Variants in TAF4 observed in about 807,000 individuals in gnomAD.
The protein encoded by TAF4 is TATA-box binding protein associated factor 4, also known as transcription initiation factor TFIID subunit 4.
In TAF4, 9 loss-of-function variants were observed where a neutral mutation model predicts 90.3. The ratio of observed to expected loss-of-function variants is 0.10; its 90% CI spans 0.06 to 0.17. The LOEUF (loss-of-function observed/expected upper bound fraction) is 0.17, where lower values mean the gene tolerates loss of function less well. Ranked by LOEUF, TAF4 falls within the 10% of genes least tolerant of loss-of-function variation. The pLI is 1.00. For missense variants in TAF4, 1,351 were observed against 1,370.7 expected (o/e 0.99, Z 0.23); for synonymous variants, 818 against 638.9 (o/e 1.28, Z -4.23).
chr20:62,000,305 T>C (rs764992562), intron 10 of TAF4, 51 bp from the exon 11 acceptor site: 6 of 1,592,192 alleles, frequency 3.8e-6, no homozygotes, highest in Non-Finnish European at 4.3e-6. Context: ...AGCACAGTTC[T>C]TTCTTTACGG....
intron 14 of TAF4, among the ~76,000 whole-genome samples, chr20:61,978,718 C>T (rs1428674915): frequency 1.3e-5 from 2 of 151,998 alleles, no homozygotes; most frequent in Non-Finnish European, 2.9e-5. Context: ...AGGGAGGGGG[C>T]GAGACCAACC....
At chr20:62,020,581 C>T (rs1185974408) in intron 1 of TAF4, among the ~76,000 whole-genome samples, 1 of 152,190 alleles carries the variant, frequency 6.6e-6, no homozygotes, top group South Asian at 2.1e-4. Flanking sequence ...CCCATCTCAC[C>T]GTCATGTCGC....
chr20:62,039,782 T>G (rs1415338220), intron 1 of TAF4, among the ~76,000 whole-genome samples: 1 of 152,200 alleles, frequency 6.6e-6, no homozygotes, highest in African/African-American at 2.4e-5. Flanking sequence ...CATTTTAAAC[T>G]CTTACTAAAT....
At chr20:62,050,234 C>A (rs148427250) in intron 1 of TAF4, among the ~76,000 whole-genome samples, 4 of 152,168 alleles carry the variant, frequency 2.6e-5, no homozygotes, top group Non-Finnish European at 5.9e-5. Context: ...GCTCCTCCCC[C>A]ACATGACCTA....
intron 1 of TAF4, among the ~76,000 whole-genome samples, chr20:62,033,329 G>A (rs1236884609): frequency 1.3e-5 from 2 of 152,322 alleles, no homozygotes; most frequent in Non-Finnish European, 1.5e-5. Flanking sequence ...GCTAACAAGG[G>A]CCCTGGTGGG....
intron 1 of TAF4, among the ~76,000 whole-genome samples, chr20:62,021,675 G>A (rs938099731): frequency 6.6e-6 from 1 of 152,222 alleles, no homozygotes; most frequent in Admixed American, 6.5e-5. Context: ...GTGGATACAC[G>A]TTCCAAAGTG....
At position 62,064,445 on chromosome 20, in the gene TAF4, A is replaced by G; in HGVS notation, c.1360+6T>C. 7.2e-7 allele frequency: 1 copy of G among 1,387,566 alleles called. No individual in the cohort carries two copies. Among genetic ancestry groups the G allele is most frequent in the Non-Finnish European group, 9.4e-7 (1 of 1,062,490 alleles). 86.0% of individuals were successfully genotyped at this position (1,387,566 alleles called of 1,614,324 possible). A position where few individuals can be genotyped will look rare whatever the true frequency, so the allele number is the denominator to read the frequency against. On this transcript the variant is annotated splice_donor_region_variant and intron_variant, in intron 1 of 14. Transcript: ENST00000252996. ...CCCTTCCCTCCCGCCCCGTGCGGCC[A>G]CTCACCTGGGGGCAGCTGGAAGTTC...
At chr20:62,007,460 A>G (rs1170136190) in intron 6 of TAF4, 87 bp downstream of exon 6, 7 of 1,303,136 alleles carry the variant, frequency 5.4e-6, no homozygotes, top group African/African-American at 1.5e-5. Flanking sequence ...CCGTGCCTGG[A>G]GCATCCTCGC....
chr20:61,991,362 G>C (rs1024152475), intron 14 of TAF4, among the ~76,000 whole-genome samples: 3 of 151,806 alleles, frequency 2.0e-5, no homozygotes, highest in African/African-American at 7.3e-5. Context: ...GCCATGAGCT[G>C]AGATCACACC....
chr20:62,000,485 C>A (rs747749543), intron 10 of TAF4, 67 bp downstream of exon 10: 2 of 1,548,798 alleles, frequency 1.3e-6, no homozygotes, highest in South Asian at 2.4e-5. Context: ...GGTGTGCTCA[C>A]CTGAAGCTCC....
intron 1 of TAF4, among the ~76,000 whole-genome samples, chr20:62,029,364 G>T (rs1026836991): frequency 4.6e-5 from 7 of 152,152 alleles, no homozygotes; most frequent in African/African-American, 1.2e-4. Context: ...CTTGGGGGCG[G>T]TGGGCAAGTG....
intron 1 of TAF4, among the ~76,000 whole-genome samples, chr20:62,016,035 CG>C (rs978213163): frequency 5.0e-4 from 76 of 152,318 alleles, no homozygotes; most frequent in African/African-American, 1.7e-3. Flanking sequence ...GCCTGGAGCT[CG>C]GGAACGAAGT....
In TAF4 at chr20:62,064,521, G is replaced by A. The variant is rs1328837827; in HGVS notation, c.1290C>T (p.Thr430=). 5.9e-6 allele frequency: 9 copies of A among 1,530,360 alleles called. No individual in the cohort carries two copies. Among genetic ancestry groups the A allele is most frequent in the African/African-American group, 4.2e-5 (3 of 71,316 alleles). The allele number at this position is 1,530,360 out of a possible 1,614,324, so 94.8% of individuals were successfully genotyped here. ...GCTGCGGCAAGCGGGGGGCCAGCACGGTGGGCGTCAGGGTGGCCCGAATCC... is the reference window on the plus strand; with the variant it reads ...GCTGCGGCAAGCGGGGGGCCAGCACAGTGGGCGTCAGGGTGGCCCGAATCC... ...TSGIRATLTP[T]VLAPRLPQPP... Residue 430 remains threonine (T), a synonymous_variant, in exon 1 of 15, where the codon ACC becomes ACT. Coordinates refer to ENST00000252996, the MANE Select transcript of TAF4 (RefSeq NM_003185.4).
chr20:62,014,706 T>C lies in TAF4; in HGVS notation c.1362A>G (p.Gly454=), dbSNP rs763389644. The C allele has an allele frequency of 6.2e-7, 1 of 1,613,000 alleles. No individual in the cohort carries two copies. Among genetic ancestry groups the C allele is most frequent in the South Asian group, 1.1e-5 (1 of 90,868 alleles). ...CATTCTCACTTCGGACGAGGACCAT[T>C]CCTGCAGACAAAGGAGACCTGGCGT... ...TNIQNFQLPP[G]MVLVRSENGQ... Residue 454 remains glycine, a splice_region_variant and synonymous_variant, in exon 2 of 15, where the codon GGA becomes GGG. Transcript: ENST00000252996.
Position 62,065,730 on chromosome 20 carries a change from G to C in TAF4, c.81C>G (p.Gly27=), listed in dbSNP as rs1411390192. 1 of 1,323,588 alleles carries C rather than the reference G, an allele frequency of 7.6e-7. No homozygotes were observed. The highest frequency in any genetic ancestry group is 1.6e-5 in the African/African-American group (1 of 63,834). The allele number at this position is 1,323,588 out of a possible 1,614,324, so 82.0% of individuals were successfully genotyped here. ...VDEKVVSDLV[G]SLESQLAASA... ...TGGCCGCCAGCTGCGACTCCAGCGA[G>C]CCCACCAGGTCGCTCACCACTTTCT... Residue 27 remains glycine, a synonymous_variant, in exon 1 of 15, where the codon GGC becomes GGG. Coordinates refer to ENST00000252996, the MANE Select transcript of TAF4 (RefSeq NM_003185.4).
chr20:61,990,992 T>C (rs941271888), intron 14 of TAF4, among the ~76,000 whole-genome samples: 4 of 151,518 alleles, frequency 2.6e-5, no homozygotes, highest in Non-Finnish European at 5.9e-5. Context: ...AAAAAGAGGA[T>C]AAAAAGCAGA....
chr20:61,998,883 C>A, intron 12 of TAF4, 100 bp downstream of exon 12: 1 of 1,501,610 alleles, frequency 6.7e-7, no homozygotes, highest in South Asian at 1.2e-5. Context: ...CAGCCCAAAA[C>A]ATGCTCTGAC....
At position 62,006,904 on chromosome 20, in the gene TAF4, T is replaced by G. The variant is rs1269196146; in HGVS notation, c.1975-146A>C. The G allele has an allele frequency of 9.4e-6, 11 of 1,176,096 alleles. No homozygotes were observed. The highest frequency in any genetic ancestry group is 1.6e-5 in the African/African-American group (1 of 62,894). The allele number at this position is 1,176,096 out of a possible 1,614,324, so 72.9% of individuals were successfully genotyped here. ...GCCCTCACGGCAGCATGTCTGGATG[T>G]CAAGGGCCAGGACCCCATCCTGCCC... On this transcript the variant is annotated intron_variant, in intron 6 of 14. Coordinates refer to ENST00000252996, the MANE Select transcript of TAF4 (RefSeq NM_003185.4). This position sits in a 1 kb window ranked among gnomAD's most constrained non-coding sequence, Gnocchi z 7.0.
intron 14 of TAF4, among the ~76,000 whole-genome samples, chr20:61,987,779 T>TAA (rs1335685493): frequency 6.6e-6 from 1 of 152,266 alleles, no homozygotes; most frequent in Non-Finnish European, 1.5e-5. Flanking sequence ...CAGATGTTTA[T>TAA]ACCAGCTTTC....
Sources: allele counts gnomAD v4.1 joint callset (sites outside exome capture counted in the v4.1 genomes callset), GRCh38; gene constraint gnomAD v4.1.1; non-coding constraint Gnocchi (gnomAD v3.1); transcripts MANE v1.5; gene names NCBI Gene and HGNC (gene_info 2026-07-23, HGNC 2026-07-21).